SEMA3E: variants seen among roughly 807,000 people sequenced by gnomAD.
The protein encoded by SEMA3E is semaphorin-3E.
In SEMA3E, 49 loss-of-function variants were observed where a neutral mutation model predicts 93.6. The observed-to-expected ratio is 0.52, with a 90% CI of 0.42 to 0.66. The LOEUF (loss-of-function observed/expected upper bound fraction) is 0.66. Ranked by LOEUF, SEMA3E falls within the 30% of genes least tolerant of loss-of-function variation. The pLI, the probability that SEMA3E is intolerant of heterozygous loss-of-function variation, is 0.00. For missense variants in SEMA3E, 906 were observed against 964.8 expected (o/e 0.94, Z 0.81); for synonymous variants, 363 against 330.7 (o/e 1.10, Z -1.06).
intron 1 of SEMA3E, 124 bp downstream of exon 1, chr7:83,648,304 T>C: frequency 1.4e-6 from 1 of 697,246 alleles, no homozygotes. Flanking sequence ...CAATAAATTT[T>C]TCAGGTGCAT....
rs1794802594 is a variant in SEMA3E at position 83,375,086 on chromosome 7, G to C, written c.1876-7048C>G. Among the ~76,000 whole-genome samples the C allele has an allele frequency of 2.6e-5, 4 of 151,990 alleles. No homozygotes were observed. In the South Asian group the frequency reaches 8.3e-4, roughly 31 times the overall value. On this transcript the variant is annotated intron_variant, in intron 16 of 16. Transcript: ENST00000643230. ...GTTTATTCAAATTTTCCATAGATAA[G>C]AATCTCAGACTGAAGAGAAATTAAG...
intron 14 of SEMA3E, among the ~76,000 whole-genome samples, chr7:83,388,126 T>C (rs1375002428): frequency 6.7e-6 from 1 of 148,162 alleles, no homozygotes; most frequent in Non-Finnish European, 1.5e-5. Context: ...CTGACCAACA[T>C]GGTGAAACCC....
intron 1 of SEMA3E, among the ~76,000 whole-genome samples, chr7:83,496,327 T>A (rs1161167534): frequency 6.6e-6 from 1 of 151,968 alleles, no homozygotes; most frequent in African/African-American, 2.4e-5. Context: ...AATGAATGCA[T>A]TTTTTGCAGA....
intron 1 of SEMA3E, among the ~76,000 whole-genome samples, chr7:83,560,993 T>C (rs78183172): frequency 6.6e-6 from 1 of 152,062 alleles, no homozygotes; most frequent in Non-Finnish European, 1.5e-5. Context: ...TTTCCTGGAA[T>C]TTACTAATTT....
At chr7:83,622,049 C>T (rs1271227451) in intron 1 of SEMA3E, among the ~76,000 whole-genome samples, 1 of 151,958 alleles carries the variant, frequency 6.6e-6, no homozygotes, top group African/African-American at 2.4e-5. Flanking sequence ...TCAGAGTGAA[C>T]AGACAACATA....
At chr7:83,541,225 G>A (rs1791524498) in intron 1 of SEMA3E, among the ~76,000 whole-genome samples, 1 of 152,268 alleles carries the variant, frequency 6.6e-6, no homozygotes. Flanking sequence ...GGACTGGGTA[G>A]GTAGGACTCA....
intron 4 of SEMA3E, among the ~76,000 whole-genome samples, chr7:83,432,271 G>GT (rs1788899842): frequency 7.5e-6 from 1 of 132,504 alleles, no homozygotes; most frequent in Admixed American, 7.1e-5. Flanking sequence ...TGCATTTGAG[G>GT]GTTTTTTTTT....
intron 2 of SEMA3E, among the ~76,000 whole-genome samples, chr7:83,479,027 T>C (rs937913013): frequency 1.3e-5 from 2 of 152,228 alleles, no homozygotes; most frequent in African/African-American, 4.8e-5. Context: ...CAGTGACTCC[T>C]GCATTGCCTA....
intron 16 of SEMA3E, among the ~76,000 whole-genome samples, chr7:83,369,807 G>T (rs1036039326): frequency 6.6e-6 from 1 of 152,106 alleles, no homozygotes; most frequent in Non-Finnish European, 1.5e-5. Context: ...CATGCCTCCA[G>T]GCCAGGCTTC....
intron 9 of SEMA3E, 128 bp downstream of exon 9, chr7:83,405,322 T>G: frequency 1.4e-6 from 1 of 697,752 alleles, no homozygotes; most frequent in Admixed American, 2.6e-5. Context: ...AATTGGTGAT[T>G]ATAAAGTGTA....
chr7:83,544,922 T>G (rs1299633675), intron 1 of SEMA3E, among the ~76,000 whole-genome samples: 1 of 152,030 alleles, frequency 6.6e-6, no homozygotes, highest in Non-Finnish European at 1.5e-5. Context: ...GCTGAAAAAA[T>G]TGAATGTTTA....
chr7:83,405,926 T>A lies in SEMA3E; in HGVS notation c.928+19A>T, dbSNP rs763942100. On this transcript the variant is annotated intron_variant, in intron 8 of 16. Transcript: ENST00000643230. Reference sequence around the variant, plus strand: ...CATATACATAAAAGAGCAAATTTAATTCACCTAAAAACATTTACCTAATTC... The same window carrying A: ...CATATACATAAAAGAGCAAATTTAAATCACCTAAAAACATTTACCTAATTC... 6.4e-7 allele frequency: 1 copy of A among 1,552,500 alleles called. No homozygotes were observed. The highest frequency in any genetic ancestry group is 8.9e-7 in the Non-Finnish European group (1 of 1,124,380).
At chr7:83,614,800 T>C (rs1793330902) in intron 1 of SEMA3E, among the ~76,000 whole-genome samples, 1 of 152,104 alleles carries the variant, frequency 6.6e-6, no homozygotes, top group Non-Finnish European at 1.5e-5. Context: ...CATTTATCAA[T>C]TCTGGCTTTA....
At chr7:83,392,421 A>C (rs1385175565) in intron 14 of SEMA3E, 134 bp downstream of exon 14, 2 of 980,538 alleles carry the variant, frequency 2.0e-6, no homozygotes. Flanking sequence ...GGTCAACAGC[A>C]TGTTCAGTGC....
intron 1 of SEMA3E, among the ~76,000 whole-genome samples, chr7:83,563,883 G>T (rs971141142): frequency 1.3e-5 from 2 of 151,984 alleles, no homozygotes; most frequent in East Asian, 3.9e-4. Flanking sequence ...TGTCTGAAAT[G>T]GTGCCTACAA....
chr7:83,464,113 C>G (rs1281397847), intron 4 of SEMA3E, among the ~76,000 whole-genome samples: 2 of 152,038 alleles, frequency 1.3e-5, no homozygotes, highest in African/African-American at 2.4e-5. Flanking sequence ...TTTTCAGGCT[C>G]TTAGTATTCA....
At chr7:83,434,044 G>A (rs1487911892) in intron 4 of SEMA3E, among the ~76,000 whole-genome samples, 1 of 151,334 alleles carries the variant, frequency 6.6e-6, no homozygotes, top group African/African-American at 2.4e-5. Context: ...CATATATTAG[G>A]TTGGTGCTAA....
chr7:83,462,668 G>A (rs999200321), intron 4 of SEMA3E, among the ~76,000 whole-genome samples: 2 of 151,422 alleles, frequency 1.3e-5, no homozygotes, highest in East Asian at 2.0e-4. Context: ...CCCGCAGCAC[G>A]CTTTAAAAAG....
intron 4 of SEMA3E, among the ~76,000 whole-genome samples, chr7:83,435,722 T>A (rs984891895): frequency 6.6e-6 from 1 of 152,238 alleles, no homozygotes; most frequent in African/African-American, 2.4e-5. Context: ...AAATATCAGA[T>A]ACTCTAAGTG....
Sources: allele counts gnomAD v4.1 joint callset (sites outside exome capture counted in the v4.1 genomes callset), GRCh38; gene constraint gnomAD v4.1.1; transcripts MANE v1.5; gene names NCBI Gene and HGNC (gene_info 2026-07-23, HGNC 2026-07-21).